PPP1R12B: variants seen among roughly 807,000 people sequenced by gnomAD.
PPP1R12B encodes the protein protein phosphatase 1 regulatory subunit 12B.
Under a neutral mutation model 126.1 loss-of-function variants are expected in PPP1R12B, and 76 were observed. The observed-to-expected ratio is 0.60, with a 90% CI of 0.50 to 0.73. The LOEUF is 0.73. PPP1R12B is among the 30% of genes least tolerant of loss of function. The probability of loss-of-function intolerance (pLI) is 0.00; values close to 1 mark genes in which losing one functional copy is unlikely to be tolerated. For synonymous variants in PPP1R12B, 356 were observed against 434.7 expected, an observed-to-expected ratio of 0.82 and a Z score of 2.25; for missense variants, 1,052 against 1,205.1, an observed-to-expected ratio of 0.87 and a Z score of 1.88.
At chr1:202,563,211 G>A (rs1687704704) in intron 20 of PPP1R12B, among the ~76,000 whole-genome samples, 1 of 152,102 alleles carries the variant, frequency 6.6e-6, no homozygotes, top group Non-Finnish European at 1.5e-5. Context: ...CAAACTCCTG[G>A]GTTCATAGGG....
intron 10 of PPP1R12B, chr1:202,438,349 G>A (rs1430526817): frequency 1.4e-5 from 14 of 1,025,562 alleles, no homozygotes. Flanking sequence ...CAGGACCCCA[G>A]GTAGGGGTCC....
intron 13 of PPP1R12B, among the ~76,000 whole-genome samples, chr1:202,474,223 G>GA (rs1351832246): frequency 5.3e-5 from 8 of 151,498 alleles, no homozygotes; most frequent in African/African-American, 1.9e-4. Context: ...AAGCATAGGA[G>GA]AAAAATGAGA....
intron 1 of PPP1R12B, among the ~76,000 whole-genome samples, chr1:202,403,247 G>A (rs931572845): frequency 2.0e-4 from 31 of 152,112 alleles, no homozygotes; most frequent in African/African-American, 5.8e-4. Context: ...TGGGAATCTG[G>A]CCCCAGTGTT....
intron 1 of PPP1R12B, among the ~76,000 whole-genome samples, chr1:202,351,232 TG>T: frequency 6.6e-6 from 1 of 150,392 alleles, no homozygotes; most frequent in African/African-American, 2.5e-5. Flanking sequence ...TTGTTGTTGT[TG>T]TTGTTGTTTA....
chr1:202,439,409 G>A (rs1223792309), intron 10 of PPP1R12B: 1 of 1,246,926 alleles, frequency 8.0e-7, no homozygotes, highest in Non-Finnish European at 1.2e-6. Context: ...GGAGCACGGA[G>A]ACCGCCCTGT....
chr1:202,483,991 A>G (rs764635967), intron 13 of PPP1R12B, among the ~76,000 whole-genome samples: 1 of 151,648 alleles, frequency 6.6e-6, no homozygotes, highest in Non-Finnish European at 1.5e-5. Flanking sequence ...CTTTTATTCT[A>G]TGTTTGTCTT....
At chr1:202,437,572 C>A (rs546700635) in intron 9 of PPP1R12B, among the ~76,000 whole-genome samples, 1 of 152,052 alleles carries the variant, frequency 6.6e-6, no homozygotes, top group Non-Finnish European at 1.5e-5. Context: ...TCAGAACAAC[C>A]CTGTCAGGTA....
chr1:202,558,978 C>G, intron 19 of PPP1R12B, 85 bp downstream of exon 19: 1 of 1,340,966 alleles, frequency 7.5e-7, no homozygotes, highest in Non-Finnish European at 1.0e-6. Context: ...TATAATAATT[C>G]AGTAATGTTT....
At chr1:202,450,940 G>T (rs1381195260) in intron 13 of PPP1R12B, among the ~76,000 whole-genome samples, 1 of 152,124 alleles carries the variant, frequency 6.6e-6, no homozygotes, top group Non-Finnish European at 1.5e-5. Context: ...TCTGTAGATT[G>T]CTTTGGGTAG....
intron 1 of PPP1R12B, among the ~76,000 whole-genome samples, chr1:202,414,735 G>A (rs1414189730): frequency 6.6e-6 from 1 of 152,070 alleles, no homozygotes; most frequent in African/African-American, 2.4e-5. Flanking sequence ...TTAAAAAGTG[G>A]CTAGTTCATC....
intron 19 of PPP1R12B, among the ~76,000 whole-genome samples, chr1:202,560,127 G>A (rs903543832): frequency 6.6e-5 from 10 of 152,174 alleles, no homozygotes; most frequent in African/African-American, 1.7e-4. Flanking sequence ...CAGCCATACC[G>A]AGAAACAAAT....
chr1:202,408,323 T>C (rs1412486110), intron 1 of PPP1R12B, among the ~76,000 whole-genome samples: 4 of 152,218 alleles, frequency 2.6e-5, no homozygotes, highest in Non-Finnish European at 5.9e-5. Flanking sequence ...ATTAGTTCTT[T>C]CAGGGTTTTG....
At chr1:202,448,778 A>G (rs1231350229) in intron 12 of PPP1R12B, among the ~76,000 whole-genome samples, 1 of 152,218 alleles carries the variant, frequency 6.6e-6, no homozygotes, top group African/African-American at 2.4e-5. Flanking sequence ...CAAGTCTCAT[A>G]AAATGTGACT....
rs1402841013 is a variant in PPP1R12B at position 202,501,305 on chromosome 1, G to A, written c.2490+4483G>A. Among the ~76,000 whole-genome samples, 4 of 152,136 alleles carry A rather than the reference G, an allele frequency of 2.6e-5. No homozygotes were observed. In the East Asian group the frequency reaches 5.8e-4, roughly 22 times the overall value. ...CCCTGGAGGGAACAAGCATAGGTAC[G>A]CCACAGAAGATAATGACCATTTGGA... On this transcript the variant is annotated intron_variant, in intron 18 of 23. Transcript: ENST00000608999.
chr1:202,463,888 T>C (rs899447263), intron 13 of PPP1R12B, among the ~76,000 whole-genome samples: 2 of 152,190 alleles, frequency 1.3e-5, no homozygotes, highest in African/African-American at 4.8e-5. Context: ...CTATTTTTCT[T>C]ATCCCTTTCT....
At chr1:202,548,806 CT>C (rs1685976876) in intron 18 of PPP1R12B, among the ~76,000 whole-genome samples, 1 of 76,402 alleles carries the variant, frequency 1.3e-5, no homozygotes, top group Non-Finnish European at 2.8e-5. Flanking sequence ...CTCTCTCTCT[CT>C]CTATATATAT....
At chr1:202,561,868 C>G (rs1295686974) in intron 19 of PPP1R12B, among the ~76,000 whole-genome samples, 1 of 152,138 alleles carries the variant, frequency 6.6e-6, no homozygotes, top group Non-Finnish European at 1.5e-5. Flanking sequence ...GCTTCCCCAC[C>G]CCCAGCTATG....
At chr1:202,545,177 C>T (rs989301382) in intron 18 of PPP1R12B, among the ~76,000 whole-genome samples, 16 of 152,164 alleles carry the variant, frequency 1.1e-4, no homozygotes, top group African/African-American at 2.4e-4. Flanking sequence ...CCATTTTTTC[C>T]GCCTAATTAA....
intron 18 of PPP1R12B, among the ~76,000 whole-genome samples, chr1:202,514,098 C>CT (rs971402842): frequency 6.6e-6 from 1 of 151,622 alleles, no homozygotes; most frequent in Non-Finnish European, 1.5e-5. Flanking sequence ...CTTTTCTTTT[C>CT]TTTTTTTAAC....
Sources: gnomAD v4.1 joint callset for allele counts (sites outside exome capture counted in the v4.1 genomes callset) on GRCh38, gnomAD v4.1.1 for gene constraint, MANE v1.5 for transcripts, NCBI Gene and HGNC (gene_info 2026-07-23, HGNC 2026-07-21) for gene names.